Variants in ACADM observed in about 807,000 individuals in gnomAD.
ACADM encodes medium-chain specific acyl-CoA dehydrogenase, mitochondrial.
In ACADM, 49 loss-of-function variants were observed where a neutral mutation model predicts 58.9. The observed-to-expected ratio is 0.83, with a 90% CI of 0.66 to 1.06. ACADM has a LOEUF of 1.06. ACADM is among the 50% of genes least tolerant of loss of function. ACADM has a pLI of 0.00. For missense variants in ACADM, 496 were observed against 507.0 expected, an observed-to-expected ratio of 0.98 and a Z score of 0.21; for synonymous variants, 160 against 157.7, an observed-to-expected ratio of 1.01 and a Z score of -0.11.
chr1:75,735,947 C>G (rs1647248044), intron 6 of ACADM, among the ~76,000 whole-genome samples: 2 of 151,516 alleles, frequency 1.3e-5, no homozygotes, highest in Admixed American at 1.3e-4. Context: ...CCCGGGAGTT[C>G]AAGACCAGCC....
intron 7 of ACADM, among the ~76,000 whole-genome samples, chr1:75,741,869 T>C (rs746702739): frequency 1.3e-5 from 2 of 152,246 alleles, no homozygotes; most frequent in African/African-American, 4.8e-5. Flanking sequence ...TGCATTTTTT[T>C]CTTATGTTGC....
chr1:75,733,377 T>C (rs1647185472), intron 4 of ACADM, 151 bp from the exon 5 acceptor site: 2 of 975,636 alleles, frequency 2.0e-6, no homozygotes, highest in South Asian at 1.7e-5. Flanking sequence ...TAATTTCTTA[T>C]TGTGCCAGCC....
chr1:75,727,624 TGAA>T (rs1647076666), intron 1 of ACADM, among the ~76,000 whole-genome samples: 1 of 152,218 alleles, frequency 6.6e-6, no homozygotes, highest in African/African-American at 2.4e-5. Context: ...TATGTTCCTT[TGAA>T]GAAATATGAC....
chr1:75,731,725 A>G (rs1647152766), intron 2 of ACADM, among the ~76,000 whole-genome samples: 1 of 152,140 alleles, frequency 6.6e-6, no homozygotes, highest in Non-Finnish European at 1.5e-5. Context: ...AGCTTGTCTG[A>G]GTTTAAAGGA....
rs1452064975 is a variant in ACADM, at chr1:75,755,671, A to G, written c.945+5125A>G. 2.6e-5 allele frequency among the ~76,000 whole-genome samples: 4 copies of G among 152,270 alleles called. No homozygotes were observed. The East Asian group carries it at 7.7e-4, about 29-fold the overall frequency. On this transcript the variant is annotated intron_variant, in intron 10 of 11. Transcript: ENST00000370841. ...CAAAGATGGGGAGAAACCAGAGCAG[A>G]AAAGCTGAAAATTCTACAAATCAAG...
chr1:75,738,074 G>A (rs996574981), intron 6 of ACADM, among the ~76,000 whole-genome samples: 7 of 151,640 alleles, frequency 4.6e-5, no homozygotes, highest in Non-Finnish European at 1.0e-4. Flanking sequence ...GTGCCACCAC[G>A]CCTGCCTAAT....
intron 7 of ACADM, chr1:75,743,699 C>G (rs1647716514): frequency 1.3e-6 from 2 of 1,489,414 alleles, no homozygotes; most frequent in Middle Eastern, 1.7e-4. Context: ...TCTTCAATGG[C>G]AAATTCATTC....
At chr1:75,757,997 C>G (rs1280468569) in intron 10 of ACADM, among the ~76,000 whole-genome samples, 5 of 152,128 alleles carry the variant, frequency 3.3e-5, no homozygotes, top group African/African-American at 1.2e-4. Flanking sequence ...TAAAGCAGCT[C>G]ACAGAACTCA....
Position 75,746,001 on chromosome 1 carries a change from T to C in ACADM, c.708+87T>C, listed in dbSNP as rs1557455356. 6 of 923,702 alleles carry C rather than the reference T, an allele frequency of 6.5e-6. No individual in the cohort carries two copies. In the East Asian group the frequency reaches 1.3e-4, roughly 20 times the overall value. The allele number at this position is 923,702 out of a possible 1,614,324, so 57.2% of individuals were successfully genotyped here. ...CTTAACTTTCCTTTAATAAAAACAT[T>C]TGTTTGTATTAAGTTGGAGTAAAAA... On this transcript the variant is annotated intron_variant, in intron 8 of 11. Transcript: ENST00000370841.
chr1:75,727,258 A>G lies in ACADM; in HGVS notation c.31-1143A>G, dbSNP rs539743984. 2.8e-4 allele frequency among the ~76,000 whole-genome samples: 42 copies of G among 152,336 alleles called. 1 individual carries two copies. The highest frequency in any genetic ancestry group is 8.9e-4 in the African/African-American group (37 of 41,580). ...ACTCTTAATTATATTGTCACCTTACATGTAGGAATTCGTCTTTTATAAGTT... is the reference window on the plus strand; with the variant it reads ...ACTCTTAATTATATTGTCACCTTACGTGTAGGAATTCGTCTTTTATAAGTT... On this transcript the variant is annotated intron_variant, in intron 1 of 11. Transcript: ENST00000370841.
intron 8 of ACADM, among the ~76,000 whole-genome samples, chr1:75,747,656 G>A (rs1262189592): frequency 2.0e-5 from 3 of 152,078 alleles, no homozygotes; most frequent in Admixed American, 6.6e-5. Context: ...TGGCAGTGGC[G>A]CACACCTGTA....
intron 1 of ACADM, among the ~76,000 whole-genome samples, chr1:75,727,858 A>G (rs1479853176): frequency 2.0e-5 from 3 of 152,192 alleles, no homozygotes; most frequent in African/African-American, 7.2e-5. Flanking sequence ...CCCTGTAGAC[A>G]GCAGAAAATA....
At chr1:75,738,229 AT>A (rs1553123674) in intron 6 of ACADM, among the ~76,000 whole-genome samples, 2 of 101,876 alleles carry the variant, frequency 2.0e-5, no homozygotes, top group African/African-American at 7.7e-5. Flanking sequence ...TATTGTTATT[AT>A]TTTTTTTTTC....
intron 5 of ACADM, among the ~76,000 whole-genome samples, chr1:75,734,017 ACT>A (rs1647194832): frequency 1.3e-5 from 2 of 151,748 alleles, no homozygotes; most frequent in Admixed American, 6.6e-5. Flanking sequence ...TTTTTTTCTC[ACT>A]CTGTCGCCCA....
intron 7 of ACADM, chr1:75,743,441 T>C (rs1647696918): frequency 6.2e-7 from 1 of 1,610,380 alleles, no homozygotes; most frequent in Non-Finnish European, 8.5e-7. Flanking sequence ...AGGAGGACTC[T>C]GGGATCCTCT....
intron 7 of ACADM, among the ~76,000 whole-genome samples, chr1:75,742,735 C>T (rs1353259429): frequency 5.3e-5 from 8 of 152,070 alleles, no homozygotes; most frequent in Admixed American, 3.9e-4. Context: ...TGATGGAGAG[C>T]GTGAGGGCAG....
rs115016981 is a variant in ACADM, at chr1:75,744,384, C to G, written c.600-1422C>G. 5 of 1,542,604 alleles carry G rather than the reference C, an allele frequency of 3.2e-6. No individual in the cohort carries two copies. In the East Asian group the frequency reaches 1.1e-4, roughly 35 times the overall value. ...GCGGAGTGCCTCCTTCGACTTTTCC[C>G]CCATCAGGTACGAAAAGAGCTTCAA... On this transcript the variant is annotated intron_variant, in intron 7 of 11. Transcript: ENST00000370841.
rs79799650 is a variant in ACADM at position 75,760,872 on chromosome 1, G to C, written c.946-250G>C. On this transcript the variant is annotated intron_variant, in intron 10 of 11. Coordinates refer to ENST00000370841, the MANE Select transcript of ACADM (RefSeq NM_000016.6). ...ATATGTTAACATTAGAGGAAGCTGGGTGTAACTTCTATAAACCTAAAATTC... is the reference window on the plus strand; with the variant it reads ...ATATGTTAACATTAGAGGAAGCTGGCTGTAACTTCTATAAACCTAAAATTC... 0.049 allele frequency among the ~76,000 whole-genome samples: 7,449 copies of C among 152,078 alleles called. 274 individuals are homozygous for C. Among genetic ancestry groups the C allele is most frequent in the African/African-American group, 0.11 (4,501 of 41,480 alleles).
At position 75,732,868 on chromosome 1, in the gene ACADM, ATTAGAAGAGCCT is replaced by A. The variant is rs1553122967; in HGVS notation, c.233_244del (p.Ile78_Trp82delinsArg). On this transcript the variant is annotated inframe_deletion, in exon 4 of 12. Transcript: ENST00000370841. ...TTTCTTCTAGTATCCAGTCCCCCTA[ATTAGAAGAGCCT>A]GGGAACTTGGTTTAATGAACACACA... 1 of 1,613,616 alleles carries A rather than the reference ATTAGAAGAGCCT, an allele frequency of 6.2e-7. No homozygotes were observed. Among genetic ancestry groups the A allele is most frequent in the Non-Finnish European group, 8.5e-7 (1 of 1,179,666 alleles).
Sources: gnomAD v4.1 joint callset for allele counts (sites outside exome capture counted in the v4.1 genomes callset) on GRCh38, gnomAD v4.1.1 for gene constraint, MANE v1.5 for transcripts, NCBI Gene and HGNC (gene_info 2026-07-23, HGNC 2026-07-21) for gene names.